SCGB2B2: variants seen among roughly 807,000 people sequenced by gnomAD.
SCGB2B2 encodes the protein secretoglobin-like protein.
A neutral mutation model predicts 7.6 loss-of-function variants in SCGB2B2; 11 were observed. The observed-to-expected ratio is 1.45, with a 90% CI of 0.91 to 2.40. The LOEUF is 2.40. Ranked by LOEUF, SCGB2B2 falls within the 30% of genes most tolerant of loss-of-function variation. The pLI is 0.00. For synonymous variants in SCGB2B2, 50 were observed against 48.6 expected (o/e 1.03, Z -0.12); for missense variants, 104 against 115.4 (o/e 0.90, Z 0.45).
At chr19:34,637,047 T>G (rs2066701632) in intron 1 of SCGB2B2, among the ~76,000 whole-genome samples, 1 of 151,968 alleles carries the variant, frequency 6.6e-6, no homozygotes, top group Non-Finnish European at 1.5e-5. Context: ...CAGAAGAAGA[T>G]CCCATAGGAA....
intron 1 of SCGB2B2, among the ~76,000 whole-genome samples, chr19:34,633,234 T>C (rs554077139): frequency 6.6e-6 from 1 of 152,324 alleles, no homozygotes; most frequent in South Asian, 2.1e-4. Context: ...TGTCACTTAG[T>C]CACCTGTATA....
chr19:34,658,834 A>AG (rs1257603370), intron 1 of SCGB2B2, among the ~76,000 whole-genome samples: 14,091 of 111,794 alleles, frequency 0.13, 1,685 homozygotes, highest in Non-Finnish European at 0.2. Flanking sequence ...AAAAAAAAAA[A>AG]AGAGAGAGAA....
chr19:34,594,725 CAG>C lies in SCGB2B2; in HGVS notation c.-164_-163del. 3 of 687,442 alleles carry C rather than the reference CAG, an allele frequency of 4.4e-6. No homozygotes were observed. The highest frequency in any genetic ancestry group is 7.8e-6 in the Non-Finnish European group (3 of 382,390). The allele number at this position is 687,442 out of a possible 1,614,324, so 42.6% of individuals were successfully genotyped here. On this transcript the variant is annotated 5_prime_UTR_variant, in exon 2 of 4. The change creates a premature stop within an existing upstream ORF in the 5' untranslated region. Coordinates refer to ENST00000601241, the MANE Select transcript of SCGB2B2 (RefSeq NM_001025591.4). The stretch of plus-strand genomic sequence containing the variant: ...TGTGAATGTGGTCAGGGCAGGTCTG[CAG>C]AGAGACCCTCGGCCCTGGGCCATGC...
At chr19:34,652,502 ATC>A (rs999665021) in intron 1 of SCGB2B2, among the ~76,000 whole-genome samples, 5 of 151,420 alleles carry the variant, frequency 3.3e-5, no homozygotes, top group African/African-American at 1.2e-4. Context: ...CTGAATAAAC[ATC>A]TCTCATAAGA....
In SCGB2B2 at chr19:34,616,024, T is replaced by G. The variant is rs549181899; in HGVS notation, c.-2031-19430A>C. 2.3e-4 allele frequency among the ~76,000 whole-genome samples: 35 copies of G among 151,864 alleles called. No individual in the cohort carries two copies. In the East Asian group the frequency reaches 6.4e-3, roughly 28 times the overall value. On this transcript the variant is annotated intron_variant, in intron 1 of 3. Coordinates refer to ENST00000601241, the MANE Select transcript of SCGB2B2 (RefSeq NM_001025591.4). ...CCCTATAAAGGACATGAACTCATCA[T>G]TTTTTATGGCTGCATAGTATTCCAT...
chr19:34,661,234 G>T (rs2067446755), intron 1 of SCGB2B2, among the ~76,000 whole-genome samples: 1 of 151,672 alleles, frequency 6.6e-6, no homozygotes, highest in Non-Finnish European at 1.5e-5. Flanking sequence ...TAACAAACCT[G>T]CATGTTATGC....
Position 34,612,207 on chromosome 19 carries a change from T to C in SCGB2B2, c.-2031-15613A>G, listed in dbSNP as rs541791126. Among the ~76,000 whole-genome samples the C allele has an allele frequency of 9.9e-5, 15 of 151,818 alleles. No individual in the cohort carries two copies. The South Asian group carries it at 3.1e-3, about 32-fold the overall frequency. On this transcript the variant is annotated intron_variant, in intron 1 of 3. Transcript: ENST00000601241. ...GCATGCACCACCACACCTGGCTAAT[T>C]TTTTGTATTTCAGTAGAGACCGGGT...
chr19:34,666,718 G>A (rs945696984), intron 1 of SCGB2B2, among the ~76,000 whole-genome samples: 18 of 152,114 alleles, frequency 1.2e-4, no homozygotes, highest in Admixed American at 1.1e-3. Flanking sequence ...CACCCTAGTC[G>A]GCCCTGACCC....
chr19:34,605,253 A>G (rs2065745217), intron 1 of SCGB2B2, among the ~76,000 whole-genome samples: 2 of 152,208 alleles, frequency 1.3e-5, no homozygotes, highest in Non-Finnish European at 2.9e-5. Context: ...TACATGCAGC[A>G]AACTCAATCT....
intron 1 of SCGB2B2, among the ~76,000 whole-genome samples, chr19:34,659,313 G>A (rs1434991166): frequency 1.3e-5 from 2 of 152,106 alleles, no homozygotes; most frequent in Non-Finnish European, 2.9e-5. Context: ...GAGAAAGAAA[G>A]AAAGGGTATT....
At chr19:34,645,051 C>T (rs1405419098) in intron 1 of SCGB2B2, among the ~76,000 whole-genome samples, 1 of 152,218 alleles carries the variant, frequency 6.6e-6, no homozygotes, top group Non-Finnish European at 1.5e-5. Flanking sequence ...TGTGCTCCTT[C>T]CACTGCACGC....
intron 1 of SCGB2B2, among the ~76,000 whole-genome samples, chr19:34,652,017 A>T (rs985283835): frequency 6.6e-6 from 1 of 151,234 alleles, no homozygotes; most frequent in Non-Finnish European, 1.5e-5. Context: ...CACCAAGAAC[A>T]TTTACTGGTG....
At chr19:34,674,568 G>T (rs1475582657) in intron 1 of SCGB2B2, among the ~76,000 whole-genome samples, 1 of 152,100 alleles carries the variant, frequency 6.6e-6, no homozygotes, top group Non-Finnish European at 1.5e-5. Flanking sequence ...GCAATAGATC[G>T]GAATAAATTA....
intron 1 of SCGB2B2, among the ~76,000 whole-genome samples, chr19:34,662,760 G>A (rs1164988222): frequency 2.0e-5 from 3 of 151,912 alleles, no homozygotes; most frequent in Admixed American, 6.6e-5. Flanking sequence ...GGTGAAATCC[G>A]TCTCTACTGA....
chr19:34,605,277 T>G (rs1295270120), intron 1 of SCGB2B2, among the ~76,000 whole-genome samples: 2 of 152,224 alleles, frequency 1.3e-5, no homozygotes, highest in African/African-American at 4.8e-5. Context: ...TGATGTGGAT[T>G]TCCATGAGTT....
chr19:34,628,802 G>A (rs2066448562), intron 1 of SCGB2B2, among the ~76,000 whole-genome samples: 1 of 151,902 alleles, frequency 6.6e-6, no homozygotes, highest in South Asian at 2.1e-4. Flanking sequence ...AAGGCTGGCA[G>A]AGACACAACA....
intron 1 of SCGB2B2, among the ~76,000 whole-genome samples, chr19:34,600,792 G>A (rs534098755): frequency 1.8e-4 from 27 of 152,164 alleles, no homozygotes; most frequent in African/African-American, 6.5e-4. Flanking sequence ...TGTTTGGTTA[G>A]TTGTTGAAAA....
chr19:34,628,177 C>A (rs1459333265), intron 1 of SCGB2B2, among the ~76,000 whole-genome samples: 5 of 151,924 alleles, frequency 3.3e-5, no homozygotes, highest in South Asian at 2.1e-4. Context: ...CAGGAAAGAT[C>A]AAAATTGACA....
At chr19:34,587,820 A>T (rs2145705105), downstream of SCGB2B2, among the ~76,000 whole-genome samples, 1 of 152,108 alleles carries the variant, frequency 6.6e-6, no homozygotes, top group Non-Finnish European at 1.5e-5. Context: ...TGTTGATGTG[A>T]TGTGTCTTAT....
Sources: gnomAD v4.1 joint callset for allele counts (sites outside exome capture counted in the v4.1 genomes callset) on GRCh38, gnomAD v4.1.1 for gene constraint, MANE v1.5 for transcripts, NCBI Gene and HGNC (gene_info 2026-07-23, HGNC 2026-07-21) for gene names.